CSMD1: variants seen among roughly 807,000 people sequenced by gnomAD.
CSMD1 encodes the protein CUB and Sushi multiple domains 1.
A neutral mutation model predicts 417.5 loss-of-function variants in CSMD1; 213 were observed. The observed-to-expected ratio is 0.51, with a 90% CI of 0.46 to 0.57. CSMD1 has a LOEUF of 0.57. Among genes scored for constraint, CSMD1 ranks in the 20% least tolerant of loss-of-function variants. The pLI is 0.00. For synonymous variants in CSMD1, 2,862 were observed against 1,736.8 expected (o/e 1.65, Z -16.11); for missense variants, 6,923 against 4,529.7 (o/e 1.53, Z -15.17).
chr8:3,984,182 G>A (rs866628553), intron 5 of CSMD1, among the ~76,000 whole-genome samples: 4 of 110,766 alleles, frequency 3.6e-5, no homozygotes, highest in Non-Finnish European at 5.8e-5. Flanking sequence ...TTCAGGTCAG[G>A]AACCTCTCAG....
intron 30 of CSMD1, 148 bp downstream of exon 30, chr8:3,214,349 G>A (rs571433185): frequency 3.1e-6 from 2 of 648,328 alleles, no homozygotes; most frequent in South Asian, 2.4e-5. Context: ...ATCAATGAAT[G>A]ACTGATATTC....
intron 6 of CSMD1, among the ~76,000 whole-genome samples, chr8:3,747,155 T>C (rs1385801961): frequency 6.6e-6 from 1 of 152,242 alleles, no homozygotes; most frequent in Non-Finnish European, 1.5e-5. Flanking sequence ...CAGCAGCCTG[T>C]ACTCACATCC....
chr8:4,918,220 G>C (rs1471103967), intron 1 of CSMD1, among the ~76,000 whole-genome samples: 1 of 152,192 alleles, frequency 6.6e-6, no homozygotes, highest in Non-Finnish European at 1.5e-5. Context: ...CTGATCGAGG[G>C]ATCAAGGACA....
chr8:3,741,577 G>A (rs1359159014), intron 6 of CSMD1, among the ~76,000 whole-genome samples: 1 of 152,160 alleles, frequency 6.6e-6, no homozygotes, highest in Non-Finnish European at 1.5e-5. Flanking sequence ...TTGACTTCAA[G>A]ATTAACTGTT....
At chr8:3,260,367 C>T (rs1800966567) in intron 26 of CSMD1, among the ~76,000 whole-genome samples, 1 of 152,036 alleles carries the variant, frequency 6.6e-6, no homozygotes, top group South Asian at 2.1e-4. Context: ...GTGTCGGGTG[C>T]CTCCGTGTTT....
intron 22 of CSMD1, among the ~76,000 whole-genome samples, chr8:3,344,826 G>A (rs1391348717): frequency 2.0e-5 from 3 of 152,152 alleles, no homozygotes; most frequent in Non-Finnish European, 2.9e-5. Flanking sequence ...ATAATTTTGT[G>A]GGTAGTTATT....
At chr8:4,560,024 T>C (rs896162811) in intron 2 of CSMD1, among the ~76,000 whole-genome samples, 1 of 152,200 alleles carries the variant, frequency 6.6e-6, no homozygotes, top group Non-Finnish European at 1.5e-5. Context: ...AGAAATGCAG[T>C]TGACAGACAG....
chr8:4,789,564 C>T lies in CSMD1; in HGVS notation c.86-152006G>A, dbSNP rs552371847. ...GGGATCTACCACCAAAGCTTTTGTT[C>T]ACAATCTGGCACCCTAGGTTTGGGA... On this transcript the variant is annotated intron_variant, in intron 1 of 69. Coordinates refer to ENST00000635120, the MANE Select transcript of CSMD1 (RefSeq NM_033225.6). Among the ~76,000 whole-genome samples the T allele has an allele frequency of 7.9e-5, 12 of 152,232 alleles. No individual in the cohort carries two copies. The South Asian group carries it at 2.3e-3, about 29-fold the overall frequency.
At chr8:4,075,743 G>T (rs1384436688) in intron 3 of CSMD1, among the ~76,000 whole-genome samples, 2 of 152,112 alleles carry the variant, frequency 1.3e-5, no homozygotes, top group Non-Finnish European at 2.9e-5. Context: ...CTCAGGTTGT[G>T]TGTCCCTTTC....
intron 1 of CSMD1, among the ~76,000 whole-genome samples, chr8:4,638,720 T>G (rs1462277086): frequency 1.3e-5 from 2 of 152,124 alleles, no homozygotes; most frequent in African/African-American, 4.8e-5. Flanking sequence ...CTTAAGAACT[T>G]CCCTTTGGCA....
At chr8:3,434,994 A>T (rs1814455488) in intron 12 of CSMD1, among the ~76,000 whole-genome samples, 1 of 151,650 alleles carries the variant, frequency 6.6e-6, no homozygotes, top group Non-Finnish European at 1.5e-5. Context: ...AGCTGGTAGC[A>T]GACAGGACAG....
At chr8:4,899,410 T>C (rs2117036610) in intron 1 of CSMD1, among the ~76,000 whole-genome samples, 1 of 152,318 alleles carries the variant, frequency 6.6e-6, no homozygotes, top group East Asian at 1.9e-4. Context: ...ATAAACATAC[T>C]TCTCCCAGGA....
intron 57 of CSMD1, among the ~76,000 whole-genome samples, chr8:2,967,573 G>T (rs1472945650): frequency 2.0e-5 from 3 of 151,874 alleles, no homozygotes; most frequent in African/African-American, 4.8e-5. Flanking sequence ...TTACCAGAAA[G>T]ATTGCTACAT....
intron 8 of CSMD1, among the ~76,000 whole-genome samples, chr8:3,615,642 C>A (rs150815668): frequency 3.3e-5 from 5 of 152,112 alleles, no homozygotes; most frequent in Admixed American, 3.3e-4. Flanking sequence ...GCTTTTAAAA[C>A]GACCGTTGTT....
chr8:3,006,955 G>A lies in CSMD1; in HGVS notation c.8030-6824C>T, dbSNP rs952586547. On this transcript the variant is annotated intron_variant, in intron 52 of 69. Transcript: ENST00000635120. Reference sequence around the variant, plus strand: ...AATTAAACTAAAGAGCTTCTGCACAGCAAAAGAAACTACCATCAGAGTGAA... The same window carrying A: ...AATTAAACTAAAGAGCTTCTGCACAACAAAAGAAACTACCATCAGAGTGAA... 1.4e-5 allele frequency among the ~76,000 whole-genome samples: 2 copies of A among 141,774 alleles called. 1 individual carries two copies. The highest frequency in any genetic ancestry group is 6.2e-5 in the African/African-American group (2 of 32,420). The allele number at this position is 141,774 out of a possible 152,430, so 93.0% of individuals were successfully genotyped here.
intron 5 of CSMD1, among the ~76,000 whole-genome samples, chr8:3,755,130 T>C (rs1797583875): frequency 6.6e-6 from 1 of 152,234 alleles, no homozygotes; most frequent in Non-Finnish European, 1.5e-5. Flanking sequence ...TTCCAAGATA[T>C]TAAAGCTCCT....
intron 3 of CSMD1, among the ~76,000 whole-genome samples, chr8:4,216,283 C>T (rs981002266): frequency 1.3e-5 from 2 of 152,110 alleles, no homozygotes; most frequent in African/African-American, 4.8e-5. Flanking sequence ...GACCTTCTCC[C>T]TGTGGTTGCC....
chr8:4,264,025 G>A (rs1215122160), intron 3 of CSMD1, among the ~76,000 whole-genome samples: 1 of 152,138 alleles, frequency 6.6e-6, no homozygotes, highest in Non-Finnish European at 1.5e-5. Flanking sequence ...TTATTGACTA[G>A]CTCCATGAAC....
intron 19 of CSMD1, among the ~76,000 whole-genome samples, chr8:3,367,879 A>G (rs184551339): frequency 1.9e-4 from 29 of 152,290 alleles, no homozygotes; most frequent in Admixed American, 1.8e-3. Flanking sequence ...TAGGGACAGT[A>G]TTTGTCCCAG....
Sources: gnomAD v4.1 joint callset for allele counts (sites outside exome capture counted in the v4.1 genomes callset) on GRCh38, gnomAD v4.1.1 for gene constraint, MANE v1.5 for transcripts, NCBI Gene and HGNC (gene_info 2026-07-23, HGNC 2026-07-21) for gene names.